ANKRD31: variants seen among roughly 807,000 people sequenced by gnomAD.
ANKRD31 encodes the protein ankyrin repeat domain 31.
In ANKRD31, 147 loss-of-function variants were observed where a neutral mutation model predicts 186.0. The ratio of observed to expected loss-of-function variants is 0.79; its 90% CI spans 0.69 to 0.91. The LOEUF is 0.91. Ranked by LOEUF, ANKRD31 falls within the 40% of genes least tolerant of loss-of-function variation. The pLI, the probability that ANKRD31 is intolerant of heterozygous loss-of-function variation, is 0.00. For synonymous variants in ANKRD31, 673 were observed against 736.4 expected (o/e 0.91, Z 1.39); for missense variants, 1,986 against 2,148.8 (o/e 0.92, Z 1.50).
intron 10 of ANKRD31, among the ~76,000 whole-genome samples, chr5:75,177,290 C>T (rs1390487694): frequency 2.6e-5 from 4 of 152,176 alleles, no homozygotes; most frequent in Non-Finnish European, 5.9e-5. Flanking sequence ...GAGAATGGAA[C>T]CAAGTTGGAA....
rs779924253 is a variant in ANKRD31 at position 75,206,433 on chromosome 5, T to C, written c.381A>G (p.Ser127=). 2 of 1,484,182 alleles carry C rather than the reference T, an allele frequency of 1.3e-6. No individual in the cohort carries two copies. Among genetic ancestry groups the C allele is most frequent in the South Asian group, 2.7e-5 (2 of 73,010 alleles). The allele number at this position is 1,484,182 out of a possible 1,614,324, so 91.9% of individuals were successfully genotyped here. Residue 127 remains serine, a synonymous_variant, in exon 5 of 26, where the codon TCA becomes TCG. Coordinates refer to ENST00000506364, the MANE Select transcript of ANKRD31 (RefSeq NM_001372053.1). The stretch of plus-strand genomic sequence containing the variant: ...TACCTTCAATATTTTGGTGGTTCAA[T>C]GAAAGTCCAGACTGGCGAAACGACC... ...FIGSFRQSGL[S]LNHQNIEGPE...
At chr5:75,182,568 A>G (rs539970045) in intron 10 of ANKRD31, among the ~76,000 whole-genome samples, 53 of 152,076 alleles carry the variant, frequency 3.5e-4, no homozygotes, top group African/African-American at 1.2e-3. Context: ...AAAATACAAA[A>G]ATTAGCCAGG....
chr5:75,185,324 C>CT (rs2150228385), intron 10 of ANKRD31, among the ~76,000 whole-genome samples: 1 of 152,254 alleles, frequency 6.6e-6, no homozygotes, highest in South Asian at 2.1e-4. Context: ...CTTTGGGAGG[C>CT]TGAGGCAGGT....
At chr5:75,117,999 T>C (rs1487461489) in intron 18 of ANKRD31, 136 bp downstream of exon 18, 2 of 652,988 alleles carry the variant, frequency 3.1e-6, no homozygotes, top group Non-Finnish European at 4.4e-6. Flanking sequence ...TAAAAATAAA[T>C]AATGGCTTTT....
rs191954676 is a variant in ANKRD31, at chr5:75,119,220, C to T, written c.3877-923G>A. Among the ~76,000 whole-genome samples the T allele has an allele frequency of 2.8e-3, 429 of 152,248 alleles. 1 individual carries two copies. The highest frequency in any genetic ancestry group is 4.5e-3 in the Non-Finnish European group (306 of 68,008). On this transcript the variant is annotated intron_variant, in intron 17 of 25. Coordinates refer to ENST00000506364, the MANE Select transcript of ANKRD31 (RefSeq NM_001372053.1). Reference sequence around the variant, plus strand: ...TCACCCAGGTAGTAAGCATAGTACTCAACAGAGAGTTTTTCAACTCTTGCC... The same window carrying T: ...TCACCCAGGTAGTAAGCATAGTACTTAACAGAGAGTTTTTCAACTCTTGCC...
chr5:75,165,090 T>A (rs1452814507), intron 11 of ANKRD31, among the ~76,000 whole-genome samples: 4 of 152,224 alleles, frequency 2.6e-5, no homozygotes, highest in Non-Finnish European at 4.4e-5. Flanking sequence ...TCCTTTGTTG[T>A]GATTCAATGT....
Position 75,193,404 on chromosome 5 carries a change from G to C in ANKRD31, c.1205C>G (p.Ser402Ter). Residue 402 changes from serine to a stop codon, truncating the protein, a stop_gained, in exon 8 of 26, where the codon TCA (serine) becomes TGA (stop). Coordinates refer to ENST00000506364, the MANE Select transcript of ANKRD31 (RefSeq NM_001372053.1). LOFTEE classifies it high-confidence loss of function. Reference protein sequence around the residue: ...KLKVSRDAKYSDHMYKMPEKI... With the variant: ...KLKVSRDAKY ...TTCTGGCATCTTATACATGTGATCT[G>C]AGTACTTTGCATCTCTGCTTACTTT... is the stretch of plus-strand genomic sequence containing the variant. 6.5e-7 allele frequency: 1 copy of C among 1,537,174 alleles called. No individual in the cohort carries two copies. Among genetic ancestry groups the C allele is most frequent in the East Asian group, 2.4e-5 (1 of 40,900 alleles).
intron 11 of ANKRD31, among the ~76,000 whole-genome samples, chr5:75,161,084 A>G (rs183186630): frequency 5.3e-5 from 8 of 152,294 alleles, no homozygotes; most frequent in East Asian, 1.9e-4. Context: ...GATACCTGAA[A>G]ATGTGGAAGC....
chr5:75,199,822 T>C, intron 5 of ANKRD31, 148 bp from the exon 6 acceptor site: 1 of 309,378 alleles, frequency 3.2e-6, no homozygotes, highest in Non-Finnish European at 5.5e-6. Context: ...AATTTATTAG[T>C]ATAAAAGTAT....
chr5:75,175,071 C>T (rs1212330482), intron 10 of ANKRD31, among the ~76,000 whole-genome samples: 3 of 152,200 alleles, frequency 2.0e-5, no homozygotes, highest in South Asian at 2.1e-4. Flanking sequence ...GAGTTCATGT[C>T]CTTTGCAGGG....
chr5:75,136,085 T>G (rs923839525), intron 17 of ANKRD31, among the ~76,000 whole-genome samples: 1 of 152,288 alleles, frequency 6.6e-6, no homozygotes, highest in Admixed American at 6.5e-5. Context: ...GGCAATACCA[T>G]TCAGGACATA....
At chr5:75,098,441 C>A (rs1028827214) in intron 22 of ANKRD31, among the ~76,000 whole-genome samples, 6 of 151,546 alleles carry the variant, frequency 4.0e-5, no homozygotes, top group East Asian at 1.9e-4. Flanking sequence ...TATGAACTTT[C>A]AAGTAGTTTT....
intron 10 of ANKRD31, among the ~76,000 whole-genome samples, chr5:75,175,943 C>T (rs1204478495): frequency 1.3e-5 from 2 of 152,112 alleles, no homozygotes; most frequent in African/African-American, 4.8e-5. Flanking sequence ...GGCATCGCCA[C>T]ACCCGGGAAG....
At chr5:75,157,059 A>G (rs1043246882) in intron 11 of ANKRD31, among the ~76,000 whole-genome samples, 19 of 152,318 alleles carry the variant, frequency 1.2e-4, no homozygotes, top group African/African-American at 4.3e-4. Flanking sequence ...TTGAACAGAC[A>G]TCTGGTAGAA....
rs558939704 is a variant in ANKRD31 at position 75,119,092 on chromosome 5, TA to T, written c.3877-796del. 4.0e-5 allele frequency among the ~76,000 whole-genome samples: 6 copies of T among 151,856 alleles called. No homozygotes were observed. In the East Asian group the frequency reaches 7.7e-4, roughly 20 times the overall value. ...AAATATGTGTTCTAAATAGCAAACT[TA>T]AAAAAAAATTCAACTTTTATTTTAG... On this transcript the variant is annotated intron_variant, in intron 17 of 25. Coordinates refer to ENST00000506364, the MANE Select transcript of ANKRD31 (RefSeq NM_001372053.1).
intron 4 of ANKRD31, among the ~76,000 whole-genome samples, 161 bp downstream of exon 4, chr5:75,210,667 T>C (rs929825649): frequency 3.3e-5 from 5 of 152,198 alleles, no homozygotes; most frequent in Admixed American, 2.6e-4. Context: ...ATAAAACTTA[T>C]CTAGAATGTA....
Position 75,230,089 on chromosome 5 carries a change from G to A in ANKRD31, c.178+473C>T, listed in dbSNP as rs556458403. Among the ~76,000 whole-genome samples, 19 of 152,070 alleles carry A rather than the reference G, an allele frequency of 1.2e-4. No individual in the cohort carries two copies. In the South Asian group the frequency reaches 3.7e-3, roughly 30 times the overall value. Reference sequence around the variant, plus strand: ...TGTCTGTGTGTGTGTGTGCGCGCGTGTGTGCACGTTCTTCAATGGACTGGC... The same window carrying A: ...TGTCTGTGTGTGTGTGTGCGCGCGTATGTGCACGTTCTTCAATGGACTGGC... On this transcript the variant is annotated intron_variant, in intron 2 of 25. Transcript: ENST00000506364.
At chr5:75,184,218 A>T (rs1388583799) in intron 10 of ANKRD31, among the ~76,000 whole-genome samples, 2 of 152,168 alleles carry the variant, frequency 1.3e-5, no homozygotes, top group African/African-American at 2.4e-5. Flanking sequence ...ATAAAACTGG[A>T]TCCTTATTTT....
rs77843304 is a variant in ANKRD31, at chr5:75,117,251, A to G, written c.4040-570T>C. On this transcript the variant is annotated intron_variant, in intron 18 of 25. Transcript: ENST00000506364. ...GATCTATCAACAACTCCAAATGCAG[A>G]CTTCCCTGATAAGCTGAGCTAATCT... is the stretch of plus-strand genomic sequence containing the variant. 8.1e-3 allele frequency among the ~76,000 whole-genome samples: 1,232 copies of G among 152,244 alleles called. 26 individuals are homozygous for G. The highest frequency in any genetic ancestry group is 0.027 in the African/African-American group (1,142 of 41,542).
Sources: gnomAD v4.1 joint callset for allele counts (sites outside exome capture counted in the v4.1 genomes callset) on GRCh38, gnomAD v4.1.1 for gene constraint, MANE v1.5 for transcripts, NCBI Gene and HGNC (gene_info 2026-07-23, HGNC 2026-07-21) for gene names.